SPIRE1: variants seen among roughly 807,000 people sequenced by gnomAD.
SPIRE1 encodes spire type actin nucleation factor 1, also known as protein spire homolog 1.
A neutral mutation model predicts 94.1 loss-of-function variants in SPIRE1; 40 were observed. The ratio of observed to expected loss-of-function variants is 0.43; its 90% CI spans 0.33 to 0.55. The LOEUF (loss-of-function observed/expected upper bound fraction) is 0.55. SPIRE1 is among the 20% of genes least tolerant of loss of function. SPIRE1 has a pLI of 0.06. For synonymous variants in SPIRE1, 376 were observed against 371.7 expected, an observed-to-expected ratio of 1.01 and a Z score of -0.13; for missense variants, 838 against 975.2, an observed-to-expected ratio of 0.86 and a Z score of 1.87.
At chr18:12,639,190 T>C (rs1408328694) in intron 1 of SPIRE1, among the ~76,000 whole-genome samples, 4 of 151,622 alleles carry the variant, frequency 2.6e-5, no homozygotes, top group Non-Finnish European at 4.4e-5. Flanking sequence ...GGCATGATCT[T>C]GGCTCACTGC....
At position 12,626,114 on chromosome 18, in the gene SPIRE1, G is replaced by A. The variant is rs372413895; in HGVS notation, c.372+8948C>T. On this transcript the variant is annotated intron_variant, in intron 2 of 16. Coordinates refer to ENST00000409402, the MANE Select transcript of SPIRE1 (RefSeq NM_001128626.2). ...AGCCAGAAGGTAGAATCAATTATGG[G>A]TAGTGAGCTGATTTAGCTAAAGACA... Among the ~76,000 whole-genome samples the A allele has an allele frequency of 4.6e-5, 7 of 150,716 alleles. No individual in the cohort carries two copies. The South Asian group carries it at 1.5e-3, about 32-fold the overall frequency.
At chr18:12,526,056 T>TACAC (rs56263373) in intron 4 of SPIRE1, among the ~76,000 whole-genome samples, 2,280 of 122,664 alleles carry the variant, frequency 0.019, 49 homozygotes, top group East Asian at 0.032. Context: ...ATACTGAAGA[T>TACAC]ACACACACAC....
chr18:12,463,194 G>A lies in SPIRE1; in HGVS notation c.1638+157C>T, dbSNP rs560337902. On this transcript the variant is annotated intron_variant, in intron 12 of 16. Transcript: ENST00000409402. ...TAGGATTATAGGCACGAGCCACCACGCCTGGCTGTTTGTTTTCTTTAGCTA... is the reference window on the plus strand; with the variant it reads ...TAGGATTATAGGCACGAGCCACCACACCTGGCTGTTTGTTTTCTTTAGCTA... 3.9e-5 allele frequency among the ~76,000 whole-genome samples: 6 copies of A among 152,270 alleles called. No individual in the cohort carries two copies. The East Asian group carries it at 1.2e-3, about 29-fold the overall frequency.
chr18:12,461,523 T>C (rs915353409), intron 12 of SPIRE1, among the ~76,000 whole-genome samples: 1 of 113,626 alleles, frequency 8.8e-6, no homozygotes, highest in Non-Finnish European at 2.0e-5. Flanking sequence ...CATACATATG[T>C]GTGGTATGTA....
intron 1 of SPIRE1, among the ~76,000 whole-genome samples, chr18:12,644,486 A>G (rs1321947361): frequency 6.6e-6 from 1 of 152,224 alleles, no homozygotes; most frequent in East Asian, 1.9e-4. Context: ...TGAGTATCAA[A>G]CAAGTCAGAA....
At chr18:12,470,038 C>G (rs2032289533) in intron 10 of SPIRE1, among the ~76,000 whole-genome samples, 1 of 151,836 alleles carries the variant, frequency 6.6e-6, no homozygotes, top group Non-Finnish European at 1.5e-5. Context: ...ACCTCCAGGG[C>G]TCAAGTGATC....
chr18:12,525,885 C>A (rs1389959589), intron 4 of SPIRE1, among the ~76,000 whole-genome samples: 1 of 152,084 alleles, frequency 6.6e-6, no homozygotes, highest in Non-Finnish European at 1.5e-5. Context: ...AGTTCATCTT[C>A]TTTGCCATGA....
At chr18:12,472,367 C>CTTTTTTT (rs964687204) in intron 10 of SPIRE1, among the ~76,000 whole-genome samples, 3 of 135,026 alleles carry the variant, frequency 2.2e-5, no homozygotes, top group African/African-American at 5.4e-5. Context: ...ATGCCCTGTG[C>CTTTTTTT]TTTTTTTTTT....
intron 2 of SPIRE1, among the ~76,000 whole-genome samples, chr18:12,594,714 C>T (rs182190117): frequency 2.0e-5 from 3 of 152,252 alleles, no homozygotes; most frequent in Non-Finnish European, 4.4e-5. Context: ...TTGAACAACA[C>T]GTTTGAAGTG....
At chr18:12,627,824 C>T (rs947060455) in intron 2 of SPIRE1, among the ~76,000 whole-genome samples, 1 of 152,108 alleles carries the variant, frequency 6.6e-6, no homozygotes, top group Middle Eastern at 3.2e-3. Flanking sequence ...TGAGCATTTT[C>T]TAATGTGTCT....
chr18:12,617,814 C>T (rs1308492628), intron 2 of SPIRE1, among the ~76,000 whole-genome samples: 1 of 152,150 alleles, frequency 6.6e-6, no homozygotes, highest in Non-Finnish European at 1.5e-5. Flanking sequence ...CCTCAGCCTC[C>T]CAAAGTGCTG....
chr18:12,627,642 A>G (rs2037670518), intron 2 of SPIRE1, among the ~76,000 whole-genome samples: 2 of 152,212 alleles, frequency 1.3e-5, no homozygotes, highest in Non-Finnish European at 2.9e-5. Flanking sequence ...ACTGTCTTCC[A>G]TAATGGTTGA....
chr18:12,535,507 G>A lies in SPIRE1; in HGVS notation c.698C>T (p.Thr233Ile). The change falls in exon 4 of 17, where the codon ACA becomes ATA. Residue 233 changes from threonine (T) to isoleucine (I), a missense_variant. Transcript: ENST00000409402. ...ALFAETMELH[T>I]FLTKIKSAKE... ...CGCACTCTTAATTTTGGTCAGAAAT[G>A]TATGGAGCTCCATTGTTTCTGCAAA... The A allele has an allele frequency of 6.2e-7, 1 of 1,613,406 alleles. No individual in the cohort carries two copies. The highest frequency in any genetic ancestry group is 8.5e-7 in the Non-Finnish European group (1 of 1,179,488).
chr18:12,654,525 T>C (rs1254785562), intron 1 of SPIRE1, among the ~76,000 whole-genome samples: 1 of 150,590 alleles, frequency 6.6e-6, no homozygotes, highest in African/African-American at 2.4e-5. Context: ...CAGGCATCTT[T>C]AGTCCCAGCT....
chr18:12,493,712 T>C (rs2033328645), intron 7 of SPIRE1, among the ~76,000 whole-genome samples: 1 of 152,142 alleles, frequency 6.6e-6, no homozygotes, highest in Non-Finnish European at 1.5e-5. Flanking sequence ...TGGCTACACT[T>C]TGAATGTCTA....
intron 4 of SPIRE1, among the ~76,000 whole-genome samples, chr18:12,528,749 G>A (rs995329120): frequency 5.3e-5 from 8 of 152,210 alleles, no homozygotes; most frequent in Middle Eastern, 3.2e-3. Context: ...GTGAGGCAAG[G>A]TAAGGTAGAC....
At chr18:12,478,191 G>A (rs1186894471) in intron 10 of SPIRE1, among the ~76,000 whole-genome samples, 1 of 151,974 alleles carries the variant, frequency 6.6e-6, no homozygotes, top group African/African-American at 2.4e-5. Flanking sequence ...TTCTACCTTG[G>A]ATGGAGCCAG....
intron 10 of SPIRE1, among the ~76,000 whole-genome samples, chr18:12,467,440 A>G (rs547769718): frequency 1.3e-5 from 2 of 152,230 alleles, no homozygotes; most frequent in Non-Finnish European, 2.9e-5. Context: ...TGCAATTAGA[A>G]CAATCTTTTT....
intron 2 of SPIRE1, among the ~76,000 whole-genome samples, chr18:12,595,590 G>C (rs2036649417): frequency 6.6e-6 from 1 of 152,212 alleles, no homozygotes; most frequent in Non-Finnish European, 1.5e-5. Context: ...GCAAATGGCA[G>C]ACATCTGAAG....
Sources: allele counts gnomAD v4.1 joint callset (sites outside exome capture counted in the v4.1 genomes callset), GRCh38; gene constraint gnomAD v4.1.1; transcripts MANE v1.5; gene names NCBI Gene and HGNC (gene_info 2026-07-23, HGNC 2026-07-21).